Variants in MYOM2 observed in about 807,000 individuals in gnomAD.
MYOM2 encodes the protein myomesin-2.
A neutral mutation model predicts 187.6 loss-of-function variants in MYOM2; 254 were observed. The observed-to-expected ratio is 1.35, with a 90% confidence interval of 1.22 to 1.50. The LOEUF (loss-of-function observed/expected upper bound fraction) is 1.50. Among genes scored for constraint, MYOM2 ranks in the 40% most tolerant of loss-of-function variants. MYOM2 has a pLI of 0.00. For missense variants in MYOM2, 2,796 were observed against 1,924.0 expected, an observed-to-expected ratio of 1.45 and a Z score of -8.48; for synonymous variants, 981 against 753.8, an observed-to-expected ratio of 1.30 and a Z score of -4.94.
At chr8:2,075,430 C>T (rs928925543) in intron 10 of MYOM2, among the ~76,000 whole-genome samples, 2 of 152,128 alleles carry the variant, frequency 1.3e-5, no homozygotes, top group Non-Finnish European at 2.9e-5. Flanking sequence ...TGAGAGGAAA[C>T]CATTTGGCTC....
intron 3 of MYOM2, among the ~76,000 whole-genome samples, chr8:2,056,361 C>T (rs1818663418): frequency 6.6e-6 from 1 of 152,090 alleles, no homozygotes; most frequent in Non-Finnish European, 1.5e-5. Context: ...TTCAGTGGGA[C>T]CTTGGGAACG....
At position 2,115,980 on chromosome 8, in the gene MYOM2, C is replaced by A. The variant is rs538882884; in HGVS notation, c.3201C>A (p.Asp1067Glu). 3.1e-6 allele frequency: 5 copies of A among 1,613,746 alleles called. No individual in the cohort carries two copies. The South Asian group carries it at 5.5e-5, about 18-fold the overall frequency. Residue 1067 changes from aspartate to glutamate, a missense_variant, in exon 26 of 37, where the codon GAC becomes GAA. Physicochemically the swap from Asp to Glu is conservative, Grantham distance 45. Transcript: ENST00000262113. The part of the protein sequence containing the change: ...SDSEIHRIKC[D>E]KATGIIEMVM... ...TGCAGATACACAGAATTAAATGTGA[C>A]AAAGCTACTGGCATTATTGAGATGG...
At position 2,144,805 on chromosome 8, in the gene MYOM2, G is replaced by A. The variant is rs199613705; in HGVS notation, c.4222G>A (p.Val1408Met). The A allele has an allele frequency of 9.9e-5, 159 of 1,614,064 alleles. No homozygotes were observed. The highest frequency in any genetic ancestry group is 1.3e-4 in the Non-Finnish European group (148 of 1,180,050). ...AKYVSMTIKGVTSEDSGKYSI... is the reference protein window; with the variant it reads ...AKYVSMTIKGMTSEDSGKYSI... ...GTACGTCAGCATGACCATCAAAGGC[G>A]TGACCTCCGAGGACTCGGGCAAGTA... The change falls in exon 37 of 37, where the codon GTG (valine) becomes ATG (methionine). Residue 1408 changes from valine to methionine, a missense_variant. Coordinates refer to ENST00000262113, the MANE Select transcript of MYOM2 (RefSeq NM_003970.4).
At chr8:2,094,556 G>A (rs1034830857) in intron 17 of MYOM2, among the ~76,000 whole-genome samples, 1 of 152,202 alleles carries the variant, frequency 6.6e-6, no homozygotes, top group Admixed American at 6.5e-5. Flanking sequence ...ATAGGCTGAG[G>A]CAGGAGAGTC....
intron 10 of MYOM2, 79 bp downstream of exon 10, chr8:2,073,579 C>G (rs1819313690): frequency 1.4e-6 from 2 of 1,474,698 alleles, no homozygotes; most frequent in East Asian, 4.7e-5. Flanking sequence ...GAGGGAGGCG[C>G]TGGGAAAAGG....
In MYOM2 at chr8:2,140,767, G is replaced by T; in HGVS notation, c.3845G>T (p.Ser1282Ile). 6.2e-7 allele frequency: 1 copy of T among 1,614,150 alleles called. No homozygotes were observed. Among genetic ancestry groups the T allele is most frequent in the Non-Finnish European group, 8.5e-7 (1 of 1,180,006 alleles). Residue 1282 changes from serine (S) to isoleucine (I), a missense_variant, in exon 33 of 37, where the codon AGT becomes ATT. Physicochemically the swap from Ser to Ile is moderately radical, Grantham distance 142. Coordinates refer to ENST00000262113, the MANE Select transcript of MYOM2 (RefSeq NM_003970.4). ...AGTGAGCATATGAGAATCGGGGGGA[G>T]TGAAGAGATGGCTTGGCTGCAGATA... ...SSSEHMRIGG[S>I]EEMAWLQICE... is the part of the protein sequence containing the mutation.
chr8:2,096,203 C>G (rs531034887), intron 17 of MYOM2, 44 bp from the exon 18 acceptor site: 1 of 1,584,666 alleles, frequency 6.3e-7, no homozygotes, highest in African/African-American at 1.3e-5. Context: ...GACAAAGCCC[C>G]CAGCTGAGGC....
Position 2,057,762 on chromosome 8 carries a change from C to G in MYOM2, c.542C>G (p.Pro181Arg), listed in dbSNP as rs2129329479. 2.5e-6 allele frequency: 4 copies of G among 1,614,054 alleles called. No homozygotes were observed. The highest frequency in any genetic ancestry group is 3.4e-6 in the Non-Finnish European group (4 of 1,179,996). The stretch of plus-strand genomic sequence containing the variant: ...CTCTGCTTCACCGTGCAAGGATTTC[C>G]CACGCCCGTGGTGCAGTGGTGAGGG... The part of the protein sequence containing the change: ...VKLCFTVQGF[P>R]TPVVQWYKDG... Residue 181 changes from proline to arginine, a missense_variant, in exon 5 of 37, where the codon CCC becomes CGC. Physicochemically the swap from Pro to Arg is moderately radical, Grantham distance 103. Transcript: ENST00000262113.
At chr8:2,125,678 G>A (rs1392495217) in intron 31 of MYOM2, among the ~76,000 whole-genome samples, 1 of 139,790 alleles carries the variant, frequency 7.2e-6, no homozygotes, top group Non-Finnish European at 1.5e-5. Flanking sequence ...GTGAATCTCG[G>A]CTCACTGCAA....
intron 14 of MYOM2, among the ~76,000 whole-genome samples, chr8:2,088,223 T>G (rs1480228436): frequency 3.9e-5 from 6 of 152,176 alleles, no homozygotes. Flanking sequence ...TTCCCCCAAG[T>G]CCCCAGAGTC....
Position 2,096,286 on chromosome 8 carries a change from G to C in MYOM2, c.2165G>C (p.Cys722Ser). 1 of 1,614,154 alleles carries C rather than the reference G, an allele frequency of 6.2e-7. No individual in the cohort carries two copies. Among genetic ancestry groups the C allele is most frequent in the Non-Finnish European group, 8.5e-7 (1 of 1,180,028 alleles). ...SHPYGITLLN[C>S]DGHSMTLGWK... The stretch of plus-strand genomic sequence containing the variant: ...CCTTATGGGATTACGCTCCTCAACT[G>C]TGACGGCCACTCCATGACCCTCGGC... The change falls in exon 18 of 37, where the codon TGT becomes TCT. Residue 722 changes from cysteine (C) to serine (S), a missense_variant. Transcript: ENST00000262113.
intron 32 of MYOM2, among the ~76,000 whole-genome samples, chr8:2,136,408 G>T (rs776928893): frequency 1.4e-4 from 22 of 152,210 alleles, no homozygotes; most frequent in Non-Finnish European, 2.6e-4. Context: ...GTGGGCCAGT[G>T]TGTGATTTGG....
At position 2,100,096 on chromosome 8, in the gene MYOM2, CCTTCCTTCCTTCTTT is replaced by C. The variant is rs1455017426; in HGVS notation, c.2441-776_2441-762del. Among the ~76,000 whole-genome samples the C allele has an allele frequency of 4.8e-4, 54 of 113,622 alleles. 1 individual carries two copies. The highest frequency in any genetic ancestry group is 1.7e-3 in the African/African-American group (52 of 30,848). The allele number at this position is 113,622 out of a possible 152,430, so 74.5% of individuals were successfully genotyped here. ...TCCTTCCTTTCTTCTTTCCTTCCTT[CCTTCCTTCCTTCTTT>C]CTTTCCTTCCTTCCTTCTTTCCTTC... On this transcript the variant is annotated intron_variant, in intron 19 of 36. Coordinates refer to ENST00000262113, the MANE Select transcript of MYOM2 (RefSeq NM_003970.4).
At chr8:2,101,100 C>G (rs375997590) in intron 20 of MYOM2, 46 bp downstream of exon 20, 158 of 1,593,778 alleles carry the variant, frequency 9.9e-5, no homozygotes, top group Non-Finnish European at 1.2e-4. Flanking sequence ...AATCCCAGCA[C>G]TTTGGGAGGT....
At chr8:2,087,939 G>A (rs1305346858) in intron 14 of MYOM2, among the ~76,000 whole-genome samples, 1 of 152,142 alleles carries the variant, frequency 6.6e-6, no homozygotes, top group East Asian at 1.9e-4. Flanking sequence ...CACAACACCT[G>A]TCCTGCAAAC....
At chr8:2,139,006 CCACCAGAGACCCGACACA>C (rs1798179968) in intron 32 of MYOM2, among the ~76,000 whole-genome samples, 15 of 138,530 alleles carry the variant, frequency 1.1e-4, no homozygotes, top group African/African-American at 4.3e-4. Context: ...GCCAGCACCA[CCACCAGAGACCCGACACA>C]CACTGCCAGC....
At chr8:2,094,757 A>G (rs954074572) in intron 17 of MYOM2, among the ~76,000 whole-genome samples, 2 of 152,246 alleles carry the variant, frequency 1.3e-5, no homozygotes, top group Non-Finnish European at 1.5e-5. Flanking sequence ...TAGGAACTTT[A>G]GTCACTTCAG....
At chr8:2,081,776 TGAA>T (rs1289029762) in intron 13 of MYOM2, 3 of 152,298 alleles carry the variant, frequency 2.0e-5, no homozygotes, top group African/African-American at 7.2e-5. Flanking sequence ...AGGTGTCAAA[TGAA>T]GAAAGAGCGC....
In MYOM2 at chr8:2,098,948, A is replaced by C; in HGVS notation, c.2405A>C (p.His802Pro). Residue 802 changes from histidine to proline, a missense_variant, in exon 19 of 37, where the codon CAC becomes CCC. Physicochemically the swap from His to Pro is moderately conservative, Grantham distance 77. Transcript: ENST00000262113. ...GIGEPSDPSE[H>P]FKCEAWTMPE... ...GGGGAGCCCTCAGATCCCAGTGAGCACTTCAAGTGTGAGGCCTGGACCATG... is the reference window on the plus strand; with the variant it reads ...GGGGAGCCCTCAGATCCCAGTGAGCCCTTCAAGTGTGAGGCCTGGACCATG... 2 of 1,613,518 alleles carry C rather than the reference A, an allele frequency of 1.2e-6. No homozygotes were observed. The highest frequency in any genetic ancestry group is 1.7e-6 in the Non-Finnish European group (2 of 1,179,800).
Sources: gnomAD v4.1 joint callset for allele counts (sites outside exome capture counted in the v4.1 genomes callset) on GRCh38, gnomAD v4.1.1 for gene constraint, MANE v1.5 for transcripts, NCBI Gene and HGNC (gene_info 2026-07-23, HGNC 2026-07-21) for gene names.